The following NEGR1 variants were observed in gnomAD, a reference collection of about 807,000 sequenced individuals.
NEGR1 encodes neuronal growth regulator 1, also known as IgLON family member 4.
In NEGR1, 10 loss-of-function variants were observed where a neutral mutation model predicts 40.9. The ratio of observed to expected loss-of-function variants is 0.24; its 90% CI spans 0.15 to 0.42. The LOEUF (loss-of-function observed/expected upper bound fraction) is 0.42. NEGR1 is among the 10% of genes least tolerant of loss of function. The pLI is 1.00. For missense variants in NEGR1, 352 were observed against 438.9 expected (o/e 0.80, Z 1.77); for synonymous variants, 185 against 166.8 (o/e 1.11, Z -0.84).
At chr1:71,603,071 A>T (rs1649975474) in intron 5 of NEGR1, among the ~76,000 whole-genome samples, 2 of 152,256 alleles carry the variant, frequency 1.3e-5, no homozygotes, top group Admixed American at 1.3e-4. Flanking sequence ...TAATAATGAG[A>T]TAACACTAGA....
At chr1:72,236,960 A>T (rs1654569015) in intron 1 of NEGR1, among the ~76,000 whole-genome samples, 1 of 152,044 alleles carries the variant, frequency 6.6e-6, no homozygotes, top group South Asian at 2.1e-4. Context: ...AAACATTTTC[A>T]ATACTATGCT....
chr1:71,502,124 C>T (rs1647003593), intron 6 of NEGR1, among the ~76,000 whole-genome samples: 1 of 152,158 alleles, frequency 6.6e-6, no homozygotes, highest in African/African-American at 2.4e-5. Context: ...TAAGTACCGG[C>T]AGCCACCCGG....
chr1:72,213,083 A>G (rs142861040), intron 1 of NEGR1, among the ~76,000 whole-genome samples: 4 of 152,062 alleles, frequency 2.6e-5, no homozygotes, highest in East Asian at 1.9e-4. Flanking sequence ...TAAAATAAGC[A>G]TTATTTTTCT....
At chr1:71,424,134 A>C (rs1417136743) in intron 6 of NEGR1, among the ~76,000 whole-genome samples, 8 of 152,096 alleles carry the variant, frequency 5.3e-5, no homozygotes, top group African/African-American at 1.9e-4. Flanking sequence ...ACAAATTCTC[A>C]CCATTGAATA....
At chr1:71,820,886 T>C (rs1658406387) in intron 2 of NEGR1, among the ~76,000 whole-genome samples, 1 of 151,970 alleles carries the variant, frequency 6.6e-6, no homozygotes, top group Admixed American at 6.6e-5. Context: ...TATTATTTAA[T>C]TTACTAGTCT....
intron 3 of NEGR1, among the ~76,000 whole-genome samples, chr1:71,698,516 G>A (rs1653565125): frequency 6.6e-6 from 1 of 151,820 alleles, no homozygotes. Flanking sequence ...TACTGTGTGA[G>A]CTAGAAACTT....
At chr1:71,907,092 T>TA (rs1413760823) in intron 2 of NEGR1, among the ~76,000 whole-genome samples, 6 of 152,156 alleles carry the variant, frequency 3.9e-5, no homozygotes, top group Non-Finnish European at 8.8e-5. Flanking sequence ...GTTTCATTTG[T>TA]AAAAAACATA....
intron 1 of NEGR1, among the ~76,000 whole-genome samples, chr1:72,245,897 A>G (rs1654887704): frequency 6.6e-6 from 1 of 152,192 alleles, no homozygotes; most frequent in Non-Finnish European, 1.5e-5. Flanking sequence ...TAATGACATA[A>G]AACTGTATGT....
rs769334920 is a variant in NEGR1 at position 72,282,432 on chromosome 1, G to A, written c.63C>T (p.Leu21=). 1.2e-6 allele frequency: 2 copies of A among 1,613,440 alleles called. No individual in the cohort carries two copies. Among genetic ancestry groups the A allele is most frequent in the African/African-American group, 1.3e-5 (1 of 74,736 alleles). Reference sequence around the variant, plus strand: ...AGGGTAGCAGGCAGCACAGGCTGAGGAGCACCGCCGCCAGCCACTGGTTCG... The same window carrying A: ...AGGGTAGCAGGCAGCACAGGCTGAGAAGCACCGCCGCCAGCCACTGGTTCG... ...CCSNQWLAAV[L]LSLCCLLPSC... The change falls in exon 1 of 7, where the codon CTC becomes CTT. Residue 21 remains leucine (L), a synonymous_variant. Coordinates refer to ENST00000357731, the MANE Select transcript of NEGR1 (RefSeq NM_173808.3).
chr1:71,905,277 AT>A (rs1425405665), intron 2 of NEGR1, among the ~76,000 whole-genome samples: 1 of 152,066 alleles, frequency 6.6e-6, no homozygotes, highest in Non-Finnish European at 1.5e-5. Flanking sequence ...TAATCACAAT[AT>A]TTTTGATAAA....
chr1:71,878,081 A>G (rs1351081709), intron 2 of NEGR1, among the ~76,000 whole-genome samples: 3 of 152,068 alleles, frequency 2.0e-5, no homozygotes, highest in African/African-American at 2.4e-5. Flanking sequence ...GAAAATGCCG[A>G]CTCTTACTAT....
intron 5 of NEGR1, among the ~76,000 whole-genome samples, chr1:71,603,967 G>C (rs997462314): frequency 6.6e-6 from 1 of 152,036 alleles, no homozygotes; most frequent in Admixed American, 6.6e-5. Flanking sequence ...AAAGTAGTTG[G>C]CTTTGTTTCA....
chr1:71,813,425 G>T (rs1658078378), intron 2 of NEGR1, among the ~76,000 whole-genome samples: 3 of 151,780 alleles, frequency 2.0e-5, no homozygotes, highest in South Asian at 2.1e-4. Flanking sequence ...GCTCTTTTTT[G>T]GTCCCATAAG....
At chr1:71,948,778 G>C (rs1367094954) in intron 1 of NEGR1, among the ~76,000 whole-genome samples, 2 of 152,034 alleles carry the variant, frequency 1.3e-5, no homozygotes, top group African/African-American at 4.8e-5. Context: ...AGAAATGCGA[G>C]TACCTCTAAG....
intron 6 of NEGR1, among the ~76,000 whole-genome samples, chr1:71,575,874 C>G (rs1648951376): frequency 1.3e-5 from 2 of 152,174 alleles, no homozygotes; most frequent in South Asian, 4.1e-4. Flanking sequence ...ATTAAATTAA[C>G]TGTATTGGAA....
intron 1 of NEGR1, among the ~76,000 whole-genome samples, chr1:72,215,885 T>C (rs754745404): frequency 2.6e-5 from 4 of 151,986 alleles, no homozygotes; most frequent in Non-Finnish European, 5.9e-5. Context: ...TTATAAATCA[T>C]TGTACTATAA....
chr1:71,600,414 G>A (rs1480512839), intron 5 of NEGR1, among the ~76,000 whole-genome samples: 1 of 152,138 alleles, frequency 6.6e-6, no homozygotes, highest in Non-Finnish European at 1.5e-5. Flanking sequence ...GCCCATGAGG[G>A]TACATTTGAA....
intron 1 of NEGR1, among the ~76,000 whole-genome samples, chr1:72,192,592 T>C (rs1318341520): frequency 6.6e-6 from 1 of 151,840 alleles, no homozygotes; most frequent in African/African-American, 2.4e-5. Flanking sequence ...CACATGACTT[T>C]ATGAGATGTA....
intron 6 of NEGR1, among the ~76,000 whole-genome samples, chr1:71,494,084 C>T (rs964615540): frequency 3.9e-5 from 6 of 152,150 alleles, no homozygotes; most frequent in Admixed American, 3.3e-4. Context: ...CTGGCTTTTG[C>T]CTTCAGCTAC....
Sources: gnomAD v4.1 joint callset for allele counts (sites outside exome capture counted in the v4.1 genomes callset) on GRCh38, gnomAD v4.1.1 for gene constraint, MANE v1.5 for transcripts, NCBI Gene and HGNC (gene_info 2026-07-23, HGNC 2026-07-21) for gene names.